SAMSN1: variants seen among roughly 807,000 people sequenced by gnomAD.
SAMSN1 encodes the protein SAM domain-containing protein SAMSN-1.
Under a neutral mutation model 42.0 loss-of-function variants are expected in SAMSN1, and 31 were observed. The observed-to-expected ratio is 0.74, with a 90% confidence interval of 0.55 to 1.00. The LOEUF (loss-of-function observed/expected upper bound fraction) is 1.00, where lower values mean the gene tolerates loss of function less well. Ranked by LOEUF, SAMSN1 falls within the 50% of genes least tolerant of loss-of-function variation. The pLI, the probability that SAMSN1 is intolerant of heterozygous loss-of-function variation, is 0.00. For synonymous variants in SAMSN1, 178 were observed against 151.9 expected, an observed-to-expected ratio of 1.17 and a Z score of -1.26; for missense variants, 464 against 439.4, an observed-to-expected ratio of 1.06 and a Z score of -0.50.
chr21:14,497,556 C>T (rs925022175), intron 7 of SAMSN1, among the ~76,000 whole-genome samples: 5 of 152,120 alleles, frequency 3.3e-5, no homozygotes, highest in Non-Finnish European at 7.4e-5. Context: ...CGCACCGCTG[C>T]GCTCCACCCG....
chr21:14,604,510 T>C (rs1361427553), intron 5 of SAMSN1, among the ~76,000 whole-genome samples: 1 of 152,120 alleles, frequency 6.6e-6, no homozygotes, highest in East Asian at 1.9e-4. Context: ...GCCAGGAGTT[T>C]CAGATCAGCT....
At chr21:14,541,969 G>A (rs900891848) in intron 1 of SAMSN1, among the ~76,000 whole-genome samples, 5 of 133,798 alleles carry the variant, frequency 3.7e-5, no homozygotes, top group African/African-American at 1.5e-4. Context: ...TCAAGCCTGG[G>A]TAACAGAATG....
At chr21:14,625,691 T>A (rs1983147540) in intron 2 of SAMSN1, among the ~76,000 whole-genome samples, 1 of 152,178 alleles carries the variant, frequency 6.6e-6, no homozygotes, top group Non-Finnish European at 1.5e-5. Context: ...ATTGTGAAAA[T>A]GGCCACACTG....
intron 3 of SAMSN1, among the ~76,000 whole-genome samples, chr21:14,516,438 C>T (rs1987921430): frequency 6.6e-6 from 1 of 152,056 alleles, no homozygotes. Flanking sequence ...TGTTGCCAGG[C>T]TGAAGTTCAG....
At chr21:14,490,896 G>A (rs1446967912) in intron 7 of SAMSN1, among the ~76,000 whole-genome samples, 1 of 152,064 alleles carries the variant, frequency 6.6e-6, no homozygotes, top group African/African-American at 2.4e-5. Flanking sequence ...TTCAGCAGAG[G>A]CAGAGGCATA....
At chr21:14,616,632 C>G (rs1338758156) in intron 2 of SAMSN1, among the ~76,000 whole-genome samples, 1 of 152,158 alleles carries the variant, frequency 6.6e-6, no homozygotes, top group Non-Finnish European at 1.5e-5. Flanking sequence ...GCCCTAGACA[C>G]CTTTAAAAGC....
intron 2 of SAMSN1, among the ~76,000 whole-genome samples, chr21:14,630,594 A>G (rs1269534843): frequency 6.6e-6 from 1 of 152,228 alleles, no homozygotes; most frequent in Non-Finnish European, 1.5e-5. Context: ...AATTGGTGGC[A>G]GAAGAACAGC....
intron 6 of SAMSN1, among the ~76,000 whole-genome samples, chr21:14,499,545 A>G (rs1220237752): frequency 6.6e-6 from 1 of 151,978 alleles, no homozygotes; most frequent in African/African-American, 2.4e-5. Flanking sequence ...TCTTTCTTTA[A>G]AAAAGTATAT....
chr21:14,544,676 G>A (rs1455720970), intron 1 of SAMSN1, among the ~76,000 whole-genome samples: 1 of 152,004 alleles, frequency 6.6e-6, no homozygotes, highest in Non-Finnish European at 1.5e-5. Flanking sequence ...TTTATTTTAT[G>A]AATAAGGAAG....
rs1600930423 is a variant in SAMSN1 at position 14,560,343 on chromosome 21, T to C, written c.261+21793A>G. ...TTTGCAAGATTATGGCAGCAAGAAA[T>C]CTGACATAGCTGACTCCATCTTGCT... On this transcript the variant is annotated intron_variant, in intron 2 of 8. Transcript: ENST00000285670. 2.0e-5 allele frequency among the ~76,000 whole-genome samples: 3 copies of C among 152,136 alleles called. 1 individual carries two copies. The highest frequency in any genetic ancestry group is 2.0e-4 in the Admixed American group (3 of 15,260).
chr21:14,486,138 G>T, intron 7 of SAMSN1, 24 bp from the exon 8 acceptor site: 3 of 1,554,652 alleles, frequency 1.9e-6, no homozygotes, highest in Non-Finnish European at 1.8e-6. Flanking sequence ...AAAAGGGCAG[G>T]AGTTAGGTAA....
chr21:14,540,711 G>A (rs914117179), intron 1 of SAMSN1, among the ~76,000 whole-genome samples: 3 of 152,198 alleles, frequency 2.0e-5, no homozygotes, highest in Non-Finnish European at 4.4e-5. Context: ...CAACCATTGT[G>A]GAAGACTATG....
At chr21:14,589,050 C>T (rs2822801) in intron 7 of SAMSN1, among the ~76,000 whole-genome samples, 28,503 of 151,928 alleles carry the variant, frequency 0.19, 2,780 homozygotes, top group Middle Eastern at 0.23. Flanking sequence ...GCTCACTCTT[C>T]CTTAAGTAAT....
At chr21:14,604,716 A>G (rs35192670) in intron 5 of SAMSN1, among the ~76,000 whole-genome samples, 16,848 of 152,266 alleles carry the variant, frequency 0.11, 1,240 homozygotes, top group Non-Finnish European at 0.17. Flanking sequence ...ATGGAGTGAC[A>G]TGAAAAGGCC....
At chr21:14,642,529 G>A (rs1234616703) in intron 2 of SAMSN1, among the ~76,000 whole-genome samples, 1 of 152,190 alleles carries the variant, frequency 6.6e-6, no homozygotes, top group Non-Finnish European at 1.5e-5. Context: ...ACTATGGGTA[G>A]CTTGAAATTG....
intron 2 of SAMSN1, among the ~76,000 whole-genome samples, chr21:14,640,664 A>G (rs1348522872): frequency 6.6e-6 from 1 of 152,060 alleles, no homozygotes. Flanking sequence ...CCTTGATTTA[A>G]TTATTTAAAA....
chr21:14,564,971 C>A (rs552092043), intron 2 of SAMSN1, among the ~76,000 whole-genome samples: 4 of 152,056 alleles, frequency 2.6e-5, no homozygotes, highest in African/African-American at 9.6e-5. Context: ...AAGGGCACAC[C>A]AGGGAGCTTG....
intron 1 of SAMSN1, among the ~76,000 whole-genome samples, chr21:14,535,639 A>G (rs555551970): frequency 3.5e-4 from 53 of 152,346 alleles, no homozygotes; most frequent in Non-Finnish European, 5.7e-4. Flanking sequence ...TGTGACCATT[A>G]GGGTAGGACC....
intron 2 of SAMSN1, among the ~76,000 whole-genome samples, chr21:14,557,742 T>C (rs943207926): frequency 6.0e-4 from 92 of 152,220 alleles, no homozygotes; most frequent in African/African-American, 2.2e-3. Flanking sequence ...TCTCTGGTCT[T>C]TGCCTATCTA....
Sources: allele counts gnomAD v4.1 joint callset (sites outside exome capture counted in the v4.1 genomes callset), GRCh38; gene constraint gnomAD v4.1.1; transcripts MANE v1.5; gene names NCBI Gene and HGNC (gene_info 2026-07-23, HGNC 2026-07-21).